Variants in APBB2 observed in about 807,000 individuals in gnomAD.
The protein encoded by APBB2 is amyloid beta precursor protein binding family B member 2.
Under a neutral mutation model 82.5 loss-of-function variants are expected in APBB2, and 38 were observed. That is an observed-to-expected ratio of 0.46 (90% CI 0.36 to 0.60). The LOEUF (loss-of-function observed/expected upper bound fraction) is 0.60, where lower values mean the gene tolerates loss of function less well. Among genes scored for constraint, APBB2 ranks in the 20% least tolerant of loss-of-function variants. The pLI is 0.00. For synonymous variants in APBB2, 341 were observed against 368.2 expected, an observed-to-expected ratio of 0.93 and a Z score of 0.85; for missense variants, 772 against 972.3, an observed-to-expected ratio of 0.79 and a Z score of 2.74.
intron 7 of APBB2, among the ~76,000 whole-genome samples, chr4:40,943,737 G>T (rs1787632063): frequency 1.3e-5 from 2 of 152,202 alleles, no homozygotes; most frequent in South Asian, 4.1e-4. Context: ...CCTATATGGG[G>T]TTCAGCAGTC....
chr4:41,019,384 G>A (rs1174070590), intron 5 of APBB2, among the ~76,000 whole-genome samples: 2 of 152,160 alleles, frequency 1.3e-5, no homozygotes, highest in African/African-American at 4.8e-5. Context: ...GTACCTTCAC[G>A]CTAGGAGGGA....
intron 1 of APBB2, among the ~76,000 whole-genome samples, chr4:41,145,526 C>T (rs977068472): frequency 1.3e-5 from 2 of 152,044 alleles, no homozygotes; most frequent in South Asian, 2.1e-4. Flanking sequence ...AAAAATGAAA[C>T]GCATGCAGGA....
At chr4:40,911,266 C>T (rs972121690) in intron 10 of APBB2, among the ~76,000 whole-genome samples, 2 of 152,122 alleles carry the variant, frequency 1.3e-5, no homozygotes, top group African/African-American at 2.4e-5. Context: ...CTTGAGTATG[C>T]GTGGATCTGG....
intron 2 of APBB2, among the ~76,000 whole-genome samples, chr4:41,139,479 C>T (rs1758484618): frequency 1.3e-5 from 2 of 152,080 alleles, no homozygotes; most frequent in Admixed American, 6.5e-5. Flanking sequence ...TTAATGTTTC[C>T]AGCAGTATTG....
At chr4:41,177,025 A>C (rs1770002256) in intron 1 of APBB2, among the ~76,000 whole-genome samples, 2 of 151,706 alleles carry the variant, frequency 1.3e-5, no homozygotes, top group Admixed American at 6.6e-5. Flanking sequence ...AGCAATGTCT[A>C]AATAGGCCAT....
At chr4:40,852,351 C>CAA (rs771660810) in intron 12 of APBB2, among the ~76,000 whole-genome samples, 12 of 93,988 alleles carry the variant, frequency 1.3e-4, no homozygotes, top group East Asian at 6.4e-4. Context: ...ACTCTGTCTT[C>CAA]AAAAAAAAAA....
intron 2 of APBB2, among the ~76,000 whole-genome samples, chr4:41,113,039 T>C (rs1749766477): frequency 6.6e-6 from 1 of 152,054 alleles, no homozygotes; most frequent in Admixed American, 6.6e-5. Flanking sequence ...ATACCAGATA[T>C]TCAGCTCAAC....
intron 10 of APBB2, among the ~76,000 whole-genome samples, chr4:40,903,404 T>G (rs1029033928): frequency 6.6e-6 from 1 of 151,980 alleles, no homozygotes; most frequent in Non-Finnish European, 1.5e-5. Flanking sequence ...GAGGCAGAGG[T>G]TGCAGTGAGC....
chr4:40,934,256 T>A (rs1167575153), intron 10 of APBB2, among the ~76,000 whole-genome samples, 200 bp downstream of exon 10: 1 of 152,208 alleles, frequency 6.6e-6, no homozygotes, highest in Admixed American at 6.5e-5. Context: ...AGAGTCTTGA[T>A]GGTTCTAGAA....
intron 4 of APBB2, among the ~76,000 whole-genome samples, chr4:41,036,308 A>G (rs1205821896): frequency 1.3e-5 from 2 of 152,194 alleles, no homozygotes; most frequent in Non-Finnish European, 2.9e-5. Flanking sequence ...ATACCGAGGG[A>G]TGACTGTCCT....
chr4:40,906,737 GGACTT>G lies in APBB2; in HGVS notation c.1255-13331_1255-13327del, dbSNP rs370551770. 5.8e-3 allele frequency among the ~76,000 whole-genome samples: 887 copies of G among 152,142 alleles called. 7 individuals are homozygous for G. The highest frequency in any genetic ancestry group is 0.015 in the African/African-American group (611 of 41,498). On this transcript the variant is annotated intron_variant, in intron 10 of 17. Transcript: ENST00000508593. ...CATTGGAAACATTTTGACCATGAAA[GGACTT>G]GAACCCTCAATCTTCTGACCCAAAG...
At position 41,059,361 on chromosome 4, in the gene APBB2, T is replaced by C. The variant is rs145435941; in HGVS notation, c.-51+6215A>G. ...CTGTAATCCCAACTACTCAGGTGGC[T>C]GAGACAGGAGAATTGCTTGAACCCA... On this transcript the variant is annotated intron_variant, in intron 4 of 17. Coordinates refer to ENST00000508593, the MANE Select transcript of APBB2 (RefSeq NM_004307.2). 1.8e-3 allele frequency among the ~76,000 whole-genome samples: 271 copies of C among 152,376 alleles called. 2 individuals are homozygous for C. The highest frequency in any genetic ancestry group is 6.4e-3 in the African/African-American group (265 of 41,590).
chr4:41,148,454 T>C (rs1761381920), intron 1 of APBB2, among the ~76,000 whole-genome samples: 1 of 152,204 alleles, frequency 6.6e-6, no homozygotes, highest in Admixed American at 6.5e-5. Context: ...AAACTGAATA[T>C]GAAAGCATTA....
chr4:40,845,358 G>GT (rs1286990020), intron 12 of APBB2, among the ~76,000 whole-genome samples: 3 of 151,996 alleles, frequency 2.0e-5, no homozygotes, highest in Admixed American at 6.6e-5. Flanking sequence ...AGTGCCAGGC[G>GT]TAAGTCTACT....
intron 6 of APBB2, among the ~76,000 whole-genome samples, chr4:41,009,285 T>C (rs922424079): frequency 2.1e-4 from 32 of 152,098 alleles, no homozygotes; most frequent in African/African-American, 7.7e-4. Flanking sequence ...GATACAACCT[T>C]TCTTTTAGAA....
At chr4:40,930,241 A>G (rs958287803) in intron 10 of APBB2, among the ~76,000 whole-genome samples, 3 of 152,216 alleles carry the variant, frequency 2.0e-5, no homozygotes, top group Non-Finnish European at 2.9e-5. Flanking sequence ...GGAGAACTCA[A>G]TATTTGCAAC....
chr4:40,973,081 T>C (rs546111141), intron 6 of APBB2, among the ~76,000 whole-genome samples: 2 of 152,352 alleles, frequency 1.3e-5, no homozygotes, highest in Admixed American at 6.5e-5. Flanking sequence ...CATACCCCTT[T>C]TATCCCAAAT....
At chr4:40,917,235 C>T (rs1328254064) in intron 10 of APBB2, among the ~76,000 whole-genome samples, 1 of 152,190 alleles carries the variant, frequency 6.6e-6, no homozygotes, top group East Asian at 1.9e-4. Context: ...TTCTGCTATT[C>T]TCTAAGTGAA....
chr4:40,906,422 C>T (rs4635843), intron 10 of APBB2, among the ~76,000 whole-genome samples: 34,440 of 141,086 alleles, frequency 0.24, 4,991 homozygotes, highest in East Asian at 0.55. Context: ...AGCTGAGGTG[C>T]GCCACTGCAC....
Sources: gnomAD v4.1 joint callset for allele counts (sites outside exome capture counted in the v4.1 genomes callset) on GRCh38, gnomAD v4.1.1 for gene constraint, MANE v1.5 for transcripts, NCBI Gene and HGNC (gene_info 2026-07-23, HGNC 2026-07-21) for gene names.